The following INTS6 variants were observed in gnomAD, a reference collection of about 807,000 sequenced individuals.
The protein encoded by INTS6 is integrator complex subunit 6.
INTS6 carries 16 observed loss-of-function variants against 104.9 expected under a neutral mutation model. That is an observed-to-expected ratio of 0.15 (90% CI 0.10 to 0.23). INTS6 has a LOEUF of 0.23. Among genes scored for constraint, INTS6 ranks in the 10% least tolerant of loss-of-function variants. The pLI is 1.00. For missense variants in INTS6, 584 were observed against 1,062.8 expected (o/e 0.55, Z 6.26); for synonymous variants, 324 against 358.7 (o/e 0.90, Z 1.09).
At chr13:51,380,618 A>C (rs1432084198) in intron 10 of INTS6, among the ~76,000 whole-genome samples, 1 of 152,226 alleles carries the variant, frequency 6.6e-6, no homozygotes, top group East Asian at 1.9e-4. Flanking sequence ...TTTAAAGCTC[A>C]AGAAATTAAT....
At chr13:51,413,066 T>TA (rs1956717933) in intron 4 of INTS6, among the ~76,000 whole-genome samples, 1 of 152,212 alleles carries the variant, frequency 6.6e-6, no homozygotes, top group Admixed American at 6.5e-5. Flanking sequence ...GTACTGAAGG[T>TA]ATAATGGTAA....
Position 51,452,410 on chromosome 13 carries a change from G to A in INTS6, c.111+5C>T, listed in dbSNP as rs774519922. 25 of 1,595,788 alleles carry A rather than the reference G, an allele frequency of 1.6e-5. No individual in the cohort carries two copies. The highest frequency in any genetic ancestry group is 1.7e-5 in the Non-Finnish European group (20 of 1,171,280). ...GGTCGCCGCCCGGGCTCGGTCAGTCGGTACCTTCATGAAGGTCTCTACCGC... is the reference window on the plus strand; with the variant it reads ...GGTCGCCGCCCGGGCTCGGTCAGTCAGTACCTTCATGAAGGTCTCTACCGC... On this transcript the variant is annotated splice_donor_5th_base_variant and intron_variant, in intron 1 of 17. Transcript: ENST00000311234. The surrounding 1 kb of genome is among the most constrained non-coding windows in gnomAD (Gnocchi z 4.2).
At chr13:51,349,174 T>C (rs148628379), downstream of INTS6, among the ~76,000 whole-genome samples, 1 of 152,306 alleles carries the variant, frequency 6.6e-6, no homozygotes, top group Non-Finnish European at 1.5e-5. Context: ...TGTTGTCCAG[T>C]AGCCACTAGA....
intron 3 of INTS6, among the ~76,000 whole-genome samples, chr13:51,432,670 C>A (rs754078745): frequency 1.3e-5 from 2 of 152,228 alleles, no homozygotes; most frequent in Non-Finnish European, 2.9e-5. Context: ...CAAAAAGATT[C>A]AAAAAATGTA....
At chr13:51,395,594 A>G in intron 4 of INTS6, 111 bp from the exon 5 acceptor site, 1 of 874,700 alleles carries the variant, frequency 1.1e-6, no homozygotes, top group Non-Finnish European at 1.7e-6. Context: ...ATCACTTGAA[A>G]AACAAGCTCA....
At chr13:51,395,139 T>C (rs534826497) in intron 5 of INTS6, among the ~76,000 whole-genome samples, 161 bp downstream of exon 5, 2 of 152,358 alleles carry the variant, frequency 1.3e-5, no homozygotes, top group East Asian at 1.9e-4. Flanking sequence ...ATGAAGATCA[T>C]AGACCATTAG....
intron 3 of INTS6, among the ~76,000 whole-genome samples, chr13:51,436,215 C>A (rs1205813730): frequency 6.6e-6 from 1 of 151,844 alleles, no homozygotes; most frequent in East Asian, 1.9e-4. Context: ...AATACTTCAA[C>A]TTTTTTTTAA....
rs1415039090 is a variant in INTS6 at position 51,369,288 on chromosome 13, C to T, written c.2127G>A (p.Ser709=). The change falls in exon 16 of 18, where the codon TCG becomes TCA. Residue 709 remains serine, a synonymous_variant. Transcript: ENST00000311234. ...LHKISETTND[S]IIHDVVENHV... is the part of the protein sequence containing the mutation. ...GATTTTCAACCACATCATGTATTAT[C>T]GAATCATTAGTGGTTTCTGAAACTA... 12 of 1,608,962 alleles carry T rather than the reference C, an allele frequency of 7.5e-6. No individual in the cohort carries two copies. The highest frequency in any genetic ancestry group is 2.7e-5 in the African/African-American group (2 of 74,868).
chr13:51,429,763 C>CAAAAAA (rs35873020), intron 4 of INTS6, among the ~76,000 whole-genome samples: 3 of 27,064 alleles, frequency 1.1e-4, no homozygotes, highest in African/African-American at 3.2e-4. Flanking sequence ...GACTCTGTCT[C>CAAAAAA]AAAAAAAAAA....
intron 3 of INTS6, chr13:51,355,095 G>A (rs892574751): frequency 7.1e-6 from 11 of 1,552,616 alleles, no homozygotes; most frequent in Non-Finnish European, 9.6e-6. Context: ...TTCTTGGGGA[G>A]TCACCGATCT....
chr13:51,445,214 T>C (rs1271067903), intron 3 of INTS6: 7 of 152,230 alleles, frequency 4.6e-5, no homozygotes, highest in Non-Finnish European at 1.0e-4. Context: ...ATTATTTAAA[T>C]TGTTTTAACA....
intron 4 of INTS6, among the ~76,000 whole-genome samples, chr13:51,425,813 T>G (rs559812190): frequency 6.6e-6 from 1 of 152,164 alleles, no homozygotes; most frequent in East Asian, 1.9e-4. Context: ...TGACAAACAG[T>G]ACTGAGTATC....
Position 51,389,357 on chromosome 13 carries a change from T to C in INTS6, c.701A>G (p.Asn234Ser). Residue 234 changes from asparagine to serine, a missense_variant, in exon 6 of 18, where the codon AAC (asparagine) becomes AGC (serine). By Grantham distance (46) the Asn-to-Ser change is conservative (BLOSUM62 1). Around this residue, in one of 5 missense-constraint regions of INTS6, gnomAD observed 144 missense variants for 348.7 expected, o/e 0.41. Coordinates refer to ENST00000311234, the MANE Select transcript of INTS6 (RefSeq NM_012141.3). Reference protein sequence around the residue: ...VQKVQSGVVINFEKAGPDPSP... With the variant: ...VQKVQSGVVISFEKAGPDPSP... ...AGGATCTGGTCCTGCTTTTTCAAAG[T>C]TTATTACCACCCCACTTTGTACTTT... 1.2e-6 allele frequency: 2 copies of C among 1,613,700 alleles called. No homozygotes were observed. The highest frequency in any genetic ancestry group is 1.7e-6 in the Non-Finnish European group (2 of 1,179,792).
chr13:51,361,685 C>T lies in INTS6; in HGVS notation c.*4067G>A. ...TTTCCCATCTGCACCCCCATCACAA[C>T]AGTAAACAATCAAATGCCATTAGGA... is the stretch of plus-strand genomic sequence containing the variant. On this transcript the variant is annotated 3_prime_UTR_variant, in exon 18 of 18. Coordinates refer to ENST00000311234, the MANE Select transcript of INTS6 (RefSeq NM_012141.3). 1.2e-6 allele frequency: 1 copy of T among 835,670 alleles called. No homozygotes were observed. Among genetic ancestry groups the T allele is most frequent in the Non-Finnish European group, 1.8e-6 (1 of 552,898 alleles). The allele number at this position is 835,670 out of a possible 1,614,324, so 51.8% of individuals were successfully genotyped here.
At position 51,423,162 on chromosome 13, in the gene INTS6, T is replaced by C. The variant is rs866200108; in HGVS notation, c.429+7132A>G. On this transcript the variant is annotated intron_variant, in intron 4 of 17. Transcript: ENST00000311234. ...TATTCTTATACACAGCCAAAGTAAC[T>C]ATGTATCACAAGGAAAACTGTTGCT... The C allele has an allele frequency of 1.0e-5, 6 of 592,374 alleles. No individual in the cohort carries two copies. In the Middle Eastern group the frequency reaches 9.9e-4, roughly 98 times the overall value. 36.7% of individuals were successfully genotyped at this position (592,374 alleles called of 1,614,324 possible).
chr13:51,430,506 T>A, intron 3 of INTS6, 123 bp from the exon 4 acceptor site: 1 of 584,556 alleles, frequency 1.7e-6, no homozygotes, highest in Non-Finnish European at 2.9e-6. Context: ...ATGTAGTATG[T>A]ACCTGTTTGT....
At chr13:51,433,022 C>T (rs903661824) in intron 3 of INTS6, among the ~76,000 whole-genome samples, 1 of 152,310 alleles carries the variant, frequency 6.6e-6, no homozygotes, top group South Asian at 2.1e-4. Flanking sequence ...TTGCTTCCAC[C>T]CTTAAGCTAA....
Position 51,450,969 on chromosome 13 carries a change from G to A in INTS6, c.339+56C>T, listed in dbSNP as rs764370794. 3 of 1,442,552 alleles carry A rather than the reference G, an allele frequency of 2.1e-6. No individual in the cohort carries two copies. In the East Asian group the frequency reaches 7.3e-5, roughly 35 times the overall value. 89.4% of individuals were successfully genotyped at this position (1,442,552 alleles called of 1,614,324 possible). A position where few individuals can be genotyped will look rare whatever the true frequency, so the allele number is the denominator to read the frequency against. On this transcript the variant is annotated intron_variant, in intron 3 of 17. Transcript: ENST00000311234. ...TGTTATGTAGTTTTTGGACTGGACT[G>A]TGTTTTTCCACAAAATGAAAAATCA...
At chr13:51,385,019 G>A (rs745651428) in intron 7 of INTS6, 1 of 191,056 alleles carries the variant, frequency 5.2e-6, no homozygotes, top group Non-Finnish European at 1.1e-5. Context: ...CCTAAAAATA[G>A]GGTCTAGACA....
Sources: gnomAD v4.1 joint callset for allele counts (sites outside exome capture counted in the v4.1 genomes callset) on GRCh38, gnomAD v4.1.1 for gene constraint, gnomAD v4.1.1 regional missense constraint, Gnocchi (gnomAD v3.1) non-coding constraint, MANE v1.5 for transcripts, NCBI Gene and HGNC (gene_info 2026-07-23, HGNC 2026-07-21) for gene names.